The following DOCK4 variants were observed in gnomAD, a reference collection of about 807,000 sequenced individuals.
DOCK4 encodes the protein dedicator of cytokinesis 4.
In DOCK4, 97 loss-of-function variants were observed where a neutral mutation model predicts 268.1. The observed-to-expected ratio is 0.36, with a 90% confidence interval of 0.31 to 0.43. DOCK4 has a LOEUF of 0.43. Among genes scored for constraint, DOCK4 ranks in the 20% least tolerant of loss-of-function variants. The probability of loss-of-function intolerance (pLI) is 1.00; values close to 1 mark genes in which losing one functional copy is unlikely to be tolerated. For missense variants in DOCK4, 2,145 were observed against 2,455.7 expected, an observed-to-expected ratio of 0.87 and a Z score of 2.67; for synonymous variants, 954 against 887.2, an observed-to-expected ratio of 1.08 and a Z score of -1.34.
chr7:111,931,969 G>A (rs1365149149), intron 12 of DOCK4, among the ~76,000 whole-genome samples: 1 of 152,182 alleles, frequency 6.6e-6, no homozygotes, highest in African/African-American at 2.4e-5. Flanking sequence ...CTGTCTGTAA[G>A]CAGAGGGAAA....
intron 1 of DOCK4, among the ~76,000 whole-genome samples, chr7:112,120,077 G>C (rs1252730645): frequency 2.0e-5 from 3 of 152,020 alleles, no homozygotes; most frequent in Non-Finnish European, 2.9e-5. Flanking sequence ...TCGATCTCCT[G>C]ACCTAGTGAT....
intron 1 of DOCK4, among the ~76,000 whole-genome samples, chr7:112,040,120 C>G (rs780671013): frequency 6.6e-6 from 1 of 152,094 alleles, no homozygotes; most frequent in African/African-American, 2.4e-5. Flanking sequence ...TTAGAGAAAG[C>G]TTAATGAAAC....
intron 1 of DOCK4, among the ~76,000 whole-genome samples, chr7:112,044,654 C>T (rs533988537): frequency 2.6e-5 from 4 of 152,128 alleles, no homozygotes; most frequent in Admixed American, 6.5e-5. Context: ...TATTAACCTA[C>T]CCAAATCCCC....
intron 24 of DOCK4, among the ~76,000 whole-genome samples, chr7:111,846,647 A>C (rs1003135398): frequency 9.9e-5 from 15 of 152,260 alleles, no homozygotes; most frequent in Admixed American, 5.9e-4. Flanking sequence ...CTTTCACAGA[A>C]TGGATCAAAA....
In DOCK4 at chr7:111,787,846, G is replaced by A. The variant is rs138748179; in HGVS notation, c.3401+816C>T. On this transcript the variant is annotated intron_variant, in intron 32 of 52. Transcript: ENST00000428084. ...TGCAAACATTTTTCAAGCACAATAA[G>A]CAAATTCTTCTTTCAAAAAGAAATA... Among the ~76,000 whole-genome samples, 25 of 152,252 alleles carry A rather than the reference G, an allele frequency of 1.6e-4. No homozygotes were observed. In the East Asian group the frequency reaches 4.8e-3, roughly 29 times the overall value.
chr7:111,736,296 T>C (rs1795467342), intron 50 of DOCK4, among the ~76,000 whole-genome samples: 1 of 152,192 alleles, frequency 6.6e-6, no homozygotes, highest in Admixed American at 6.5e-5. Flanking sequence ...GGTGACTTGC[T>C]GCAAGCCCCG....
chr7:111,803,367 T>C (rs140802316), intron 30 of DOCK4, among the ~76,000 whole-genome samples: 39 of 152,358 alleles, frequency 2.6e-4, no homozygotes, highest in African/African-American at 8.7e-4. Flanking sequence ...ATTTAAATGA[T>C]TTCTTTTTAA....
intron 1 of DOCK4, among the ~76,000 whole-genome samples, chr7:112,147,248 G>T (rs191234423): frequency 4.5e-4 from 68 of 152,274 alleles, no homozygotes; most frequent in Non-Finnish European, 7.1e-4. Flanking sequence ...TACAACCCAC[G>T]TAAGTCTAAT....
At chr7:111,993,157 A>G (rs935337031) in intron 5 of DOCK4, among the ~76,000 whole-genome samples, 2 of 152,204 alleles carry the variant, frequency 1.3e-5, no homozygotes, top group South Asian at 4.1e-4. Context: ...TGCCTCAGTG[A>G]AATATCCTAT....
intron 12 of DOCK4, among the ~76,000 whole-genome samples, chr7:111,924,690 G>C (rs1446648022): frequency 6.6e-6 from 1 of 152,168 alleles, no homozygotes; most frequent in Non-Finnish European, 1.5e-5. Context: ...AGGCAAAGGT[G>C]GGAGGATTGC....
intron 1 of DOCK4, among the ~76,000 whole-genome samples, chr7:112,125,209 A>G (rs1813099608): frequency 1.3e-5 from 2 of 152,180 alleles, no homozygotes; most frequent in Non-Finnish European, 2.9e-5. Context: ...GTGTGTCGGG[A>G]AAATCATATG....
chr7:112,191,014 G>A (rs964279272), intron 1 of DOCK4, among the ~76,000 whole-genome samples: 9 of 152,156 alleles, frequency 5.9e-5, no homozygotes, highest in Non-Finnish European at 1.3e-4. Flanking sequence ...TCCAATGAAT[G>A]GGAATCCTCC....
rs965313337 is a variant in DOCK4, at chr7:111,901,693, C to T, written c.1301G>A (p.Ser434Asn). The change falls in exon 14 of 53, where the codon AGT becomes AAT. Residue 434 changes from serine to asparagine, a missense_variant. Physicochemically the swap from Ser to Asn is conservative, Grantham distance 46 (BLOSUM62 1). Coordinates refer to ENST00000428084, the MANE Select transcript of DOCK4 (RefSeq NM_001363540.2). ...VEVTMFIVDS[S>N]GQTLKDFISF... Reference sequence around the variant, plus strand: ...TTAACATACCTTCAGGGTTTGGCCACTACTGTCTACAATGAACATCGTAAC... The same window carrying T: ...TTAACATACCTTCAGGGTTTGGCCATTACTGTCTACAATGAACATCGTAAC... 2 of 1,613,654 alleles carry T rather than the reference C, an allele frequency of 1.2e-6. No homozygotes were observed. Among genetic ancestry groups the T allele is most frequent in the African/African-American group, 2.7e-5 (2 of 74,900 alleles).
chr7:112,164,776 G>A (rs747482748), intron 1 of DOCK4, among the ~76,000 whole-genome samples: 2 of 152,206 alleles, frequency 1.3e-5, no homozygotes, highest in Non-Finnish European at 2.9e-5. Flanking sequence ...AGTGGGTACT[G>A]TTATTTCATC....
At chr7:111,774,934 A>C (rs527410133) in intron 36 of DOCK4, among the ~76,000 whole-genome samples, 1 of 152,296 alleles carries the variant, frequency 6.6e-6, no homozygotes, top group Non-Finnish European at 1.5e-5. Context: ...CTGTTATAAA[A>C]CTTCCCTTAC....
chr7:112,037,513 T>G (rs1803917328), intron 1 of DOCK4, among the ~76,000 whole-genome samples: 2 of 152,174 alleles, frequency 1.3e-5, no homozygotes, highest in Non-Finnish European at 2.9e-5. Context: ...CAGAAAAGTT[T>G]TGGCTGTTCT....
intron 2 of DOCK4, among the ~76,000 whole-genome samples, chr7:112,001,253 T>C (rs1179834855): frequency 6.6e-6 from 1 of 152,192 alleles, no homozygotes; most frequent in Non-Finnish European, 1.5e-5. Flanking sequence ...ATGGTCAACC[T>C]GGGTGCAAAA....
At position 111,726,944 on chromosome 7, in the gene DOCK4, A is replaced by G. The variant is rs1585788703; in HGVS notation, c.*1330T>C. The stretch of plus-strand genomic sequence containing the variant: ...TCACTGCCTTCCAGGTAAGCTACCA[A>G]CAAAACAAACATGGTTAAACTAAAA... On this transcript the variant is annotated 3_prime_UTR_variant, in exon 53 of 53. Transcript: ENST00000428084. 1 of 152,766 alleles carries G rather than the reference A, an allele frequency of 6.5e-6. No individual in the cohort carries two copies. Among genetic ancestry groups the G allele is most frequent in the South Asian group, 2.1e-4 (1 of 4,830 alleles). The allele number at this position is 152,766 out of a possible 1,614,324, so 9.5% of individuals were successfully genotyped here. A position where few individuals can be genotyped will look rare whatever the true frequency, so the allele number is the denominator to read the frequency against.
intron 1 of DOCK4, among the ~76,000 whole-genome samples, chr7:112,150,288 A>C (rs1236236807): frequency 6.6e-6 from 1 of 152,160 alleles, no homozygotes; most frequent in Non-Finnish European, 1.5e-5. Flanking sequence ...CATGGTTGGC[A>C]GAAATATCAA....
Sources: allele counts gnomAD v4.1 joint callset (sites outside exome capture counted in the v4.1 genomes callset), GRCh38; gene constraint gnomAD v4.1.1; transcripts MANE v1.5; gene names NCBI Gene and HGNC (gene_info 2026-07-23, HGNC 2026-07-21).